The following ZNF541 variants were observed in gnomAD, a reference collection of about 807,000 sequenced individuals.
ZNF541 encodes the protein zinc finger protein 541.
ZNF541 carries 23 observed loss-of-function variants against 123.5 expected under a neutral mutation model. That is an observed-to-expected ratio of 0.19 (90% CI 0.13 to 0.26). The LOEUF (loss-of-function observed/expected upper bound fraction) is 0.26. ZNF541 is among the 10% of genes least tolerant of loss of function. The pLI, the probability that ZNF541 is intolerant of heterozygous loss-of-function variation, is 1.00. For missense variants in ZNF541, 1,612 were observed against 1,789.9 expected (o/e 0.90, Z 1.79); for synonymous variants, 751 against 754.5 (o/e 1.00, Z 0.08).
rs567568381 is a variant in ZNF541 at position 47,544,118 on chromosome 19, G to C, written c.2403+8C>G. On this transcript the variant is annotated splice_region_variant and intron_variant, in intron 5 of 16. Coordinates refer to ENST00000391901, the MANE Select transcript of ZNF541 (RefSeq NM_001277075.3). ...CTCTGGTCAGGCCACGTGAGAGAGA[G>C]CTGGTACCTGGATTCTGCTGAATAT... is the stretch of plus-strand genomic sequence containing the variant. The C allele has an allele frequency of 6.5e-7, 1 of 1,540,578 alleles. No individual in the cohort carries two copies. Among genetic ancestry groups the C allele is most frequent in the East Asian group, 2.5e-5 (1 of 40,698 alleles).
At chr19:47,525,770 G>A (rs543678571) in intron 14 of ZNF541, among the ~76,000 whole-genome samples, 5 of 152,112 alleles carry the variant, frequency 3.3e-5, no homozygotes, top group Admixed American at 6.5e-5. Context: ...AAAATTAGGC[G>A]GGCATGGTGG....
chr19:47,521,227 C>T lies in ZNF541; in HGVS notation c.4038G>A (p.Trp1346Ter). The change falls in exon 17 of 17, where the codon TGG (tryptophan) becomes TGA (stop). Residue 1346 changes from tryptophan (W) to a stop codon, truncating the protein, a stop_gained. Coordinates refer to ENST00000391901, the MANE Select transcript of ZNF541 (RefSeq NM_001277075.3). LOFTEE classifies it high-confidence loss of function. This position sits in a 1 kb window ranked among gnomAD's most constrained non-coding sequence, Gnocchi z 4.2. ...TTCGGACTTGCTGCCACGGGAGTCA[C>T]CACTGCAGGGGGCCGATGTCAGCTC... ...ELGADIGPLQ[W>*] The T allele has an allele frequency of 6.4e-7, 1 of 1,551,402 alleles. No homozygotes were observed. Among genetic ancestry groups the T allele is most frequent in the Non-Finnish European group, 8.7e-7 (1 of 1,146,880 alleles).
At chr19:47,532,313 G>T in intron 10 of ZNF541, 43 bp from the exon 11 acceptor site, 1 of 1,545,034 alleles carries the variant, frequency 6.5e-7, no homozygotes, top group South Asian at 1.2e-5. Flanking sequence ...GTACAAACAT[G>T]ACTGAGATGG....
intron 14 of ZNF541, among the ~76,000 whole-genome samples, chr19:47,524,339 A>G (rs1307863868): frequency 1.3e-5 from 2 of 152,134 alleles, no homozygotes; most frequent in Non-Finnish European, 2.9e-5. Flanking sequence ...AAGTCAACCC[A>G]CCAGAGACAC....
At chr19:47,526,496 A>AGAAAG (rs1555766749) in intron 14 of ZNF541, among the ~76,000 whole-genome samples, 6 of 137,372 alleles carry the variant, frequency 4.4e-5, no homozygotes, top group African/African-American at 1.5e-4. Context: ...AAAAAAAAAA[A>AGAAAG]AAAAGAAAAC....
chr19:47,540,430 C>G, intron 6 of ZNF541, 95 bp from the exon 7 acceptor site: 1 of 1,312,606 alleles, frequency 7.6e-7, no homozygotes, highest in Non-Finnish European at 1.0e-6. Flanking sequence ...GTCTATAACT[C>G]CAATCCACTG....
At chr19:47,547,032 A>C (rs1202107865) in intron 4 of ZNF541, among the ~76,000 whole-genome samples, 1 of 152,150 alleles carries the variant, frequency 6.6e-6, no homozygotes, top group Non-Finnish European at 1.5e-5. Flanking sequence ...ACAGTAGCAA[A>C]TGTAAAAGCC....
In ZNF541 at chr19:47,549,424, C is replaced by A. The variant is rs1970503740; in HGVS notation, c.369G>T (p.Gly123=). 6.4e-7 allele frequency: 1 copy of A among 1,551,578 alleles called. No homozygotes were observed. The highest frequency in any genetic ancestry group is 1.4e-5 in the African/African-American group (1 of 73,022). The change falls in exon 4 of 17, where the codon GGG becomes GGT. Residue 123 remains glycine, a synonymous_variant. Transcript: ENST00000391901. ...EADEGGRATS[G]SARKGKRQHS... ...GCTGCCGCTTTCCTTTCCTGGCACT[C>A]CCCGAGGTGGCCCTTCCTCCTTCGT...
chr19:47,558,990 C>T (rs1261927992), intron 2 of ZNF541, among the ~76,000 whole-genome samples: 5 of 151,608 alleles, frequency 3.3e-5, no homozygotes, highest in Admixed American at 2.0e-4. Flanking sequence ...GTGATCCACC[C>T]GCCTCGGCCT....
In ZNF541 at chr19:47,545,139, G is replaced by A. The variant is rs571605029; in HGVS notation, c.1390C>T (p.Pro464Ser). The change falls in exon 5 of 17, where the codon CCC (proline) becomes TCC (serine). Residue 464 changes from proline to serine, a missense_variant. By Grantham distance (74) the Pro-to-Ser change is moderately conservative. Transcript: ENST00000391901. The surrounding 1 kb of genome is among the most constrained non-coding windows in gnomAD (Gnocchi z 7.5). Reference sequence around the variant, plus strand: ...AGAGCATCCTCCAGGCCACCGCCGGGGCCGGGCGGGGACTCCTCCGAGGGG... The same window carrying A: ...AGAGCATCCTCCAGGCCACCGCCGGAGCCGGGCGGGGACTCCTCCGAGGGG... The part of the protein sequence containing the change: ...GSPSEESPPG[P>S]GGGLEDALPF... 1,904 of 1,483,166 alleles carry A rather than the reference G, an allele frequency of 1.3e-3. 3 individuals are homozygous for A. Among genetic ancestry groups the A allele is most frequent in the South Asian group, 2.6e-3 (199 of 76,400 alleles). The allele number at this position is 1,483,166 out of a possible 1,614,324, so 91.9% of individuals were successfully genotyped here.
At chr19:47,528,721 T>G (rs945539213) in intron 14 of ZNF541, among the ~76,000 whole-genome samples, 1 of 151,878 alleles carries the variant, frequency 6.6e-6, no homozygotes, top group African/African-American at 2.4e-5. Flanking sequence ...CAAGCAGAAG[T>G]AGGACTGCGG....
At chr19:47,571,379 C>T (rs1423971555) in intron 2 of ZNF541, among the ~76,000 whole-genome samples, 3 of 152,224 alleles carry the variant, frequency 2.0e-5, no homozygotes, top group African/African-American at 4.8e-5. Context: ...GGATTACAGG[C>T]ATGAGCCACT....
intron 14 of ZNF541, among the ~76,000 whole-genome samples, chr19:47,527,761 G>A (rs370763458): frequency 5.9e-5 from 9 of 151,514 alleles, no homozygotes; most frequent in Admixed American, 1.3e-4. Flanking sequence ...GTGCAGTGGC[G>A]AGATCTTGGC....
chr19:47,523,844 G>C (rs918151393), intron 14 of ZNF541, among the ~76,000 whole-genome samples: 1 of 152,096 alleles, frequency 6.6e-6, no homozygotes, highest in African/African-American at 2.4e-5. Flanking sequence ...GGATGGGAGA[G>C]GAGAGAGCTA....
intron 2 of ZNF541, among the ~76,000 whole-genome samples, chr19:47,570,238 C>T (rs1181344644): frequency 2.6e-5 from 4 of 151,496 alleles, no homozygotes; most frequent in Non-Finnish European, 5.9e-5. Flanking sequence ...CACTCCACTG[C>T]ACTCCAGCCT....
At chr19:47,560,761 C>T (rs1971028842) in intron 2 of ZNF541, among the ~76,000 whole-genome samples, 2 of 152,110 alleles carry the variant, frequency 1.3e-5, no homozygotes, top group South Asian at 4.1e-4. Flanking sequence ...AAAGCCTGCA[C>T]ACACATGTTT....
chr19:47,525,917 C>CAAAAA (rs34123668), intron 14 of ZNF541, among the ~76,000 whole-genome samples: 10 of 57,572 alleles, frequency 1.7e-4, no homozygotes, highest in Admixed American at 9.7e-4. Flanking sequence ...CTCCGTCTCA[C>CAAAAA]AAAAAAAAAA....
chr19:47,521,113 CAG>C lies in ZNF541; in HGVS notation c.*109_*110del. On this transcript the variant is annotated 3_prime_UTR_variant, in exon 17 of 17. Coordinates refer to ENST00000391901, the MANE Select transcript of ZNF541 (RefSeq NM_001277075.3). This position sits in a 1 kb window ranked among gnomAD's most constrained non-coding sequence, Gnocchi z 4.2. ...CCATGTTTGCAGGCAGGTTGGCCAA[CAG>C]GGGACAGGGAGGGTGGGGGGAGGCA... The C allele has an allele frequency of 2.2e-6, 3 of 1,378,928 alleles. No homozygotes were observed. Among genetic ancestry groups the C allele is most frequent in the Non-Finnish European group, 2.9e-6 (3 of 1,034,434 alleles). The allele number at this position is 1,378,928 out of a possible 1,614,324, so 85.4% of individuals were successfully genotyped here.
At chr19:47,571,584 A>G (rs1971479098) in intron 2 of ZNF541, among the ~76,000 whole-genome samples, 1 of 152,162 alleles carries the variant, frequency 6.6e-6, no homozygotes, top group Non-Finnish European at 1.5e-5. Context: ...CTTCACGACA[A>G]TCCTTACTTC....
Sources: gnomAD v4.1 joint callset for allele counts (sites outside exome capture counted in the v4.1 genomes callset) on GRCh38, gnomAD v4.1.1 for gene constraint, Gnocchi (gnomAD v3.1) non-coding constraint, MANE v1.5 for transcripts, NCBI Gene and HGNC (gene_info 2026-07-23, HGNC 2026-07-21) for gene names.